GTPBP1: variants seen among roughly 807,000 people sequenced by gnomAD.
GTPBP1 encodes GTP binding protein 1.
In GTPBP1, 23 loss-of-function variants were observed where a neutral mutation model predicts 62.0. That is an observed-to-expected ratio of 0.37 (90% CI 0.27 to 0.53). The LOEUF (loss-of-function observed/expected upper bound fraction) is 0.53, where lower values mean the gene tolerates loss of function less well. Among genes scored for constraint, GTPBP1 ranks in the 20% least tolerant of loss-of-function variants. The probability of loss-of-function intolerance (pLI) is 0.89; values close to 1 mark genes in which losing one functional copy is unlikely to be tolerated. For synonymous variants in GTPBP1, 344 were observed against 364.4 expected (o/e 0.94, Z 0.64); for missense variants, 640 against 917.3 (o/e 0.70, Z 3.90).
Position 38,706,033 on chromosome 22 carries a change from G to C in GTPBP1, c.78G>C (p.Pro26=). The C allele has an allele frequency of 7.2e-7, 1 of 1,394,122 alleles. No individual in the cohort carries two copies. The highest frequency in any genetic ancestry group is 3.2e-5 in the Admixed American group (1 of 31,390). The allele number at this position is 1,394,122 out of a possible 1,614,324, so 86.4% of individuals were successfully genotyped here. ...TGTTCGCCCCCGAGCCCAGCTCCCCGGGGGCGGCCAGGGCCGCGGCGGCCG... is the reference window on the plus strand; with the variant it reads ...TGTTCGCCCCCGAGCCCAGCTCCCCCGGGGCGGCCAGGGCCGCGGCGGCCG... ...ASMFAPEPSS[P]GAARAAAAAA... is the part of the protein sequence containing the mutation. The change falls in exon 1 of 12, where the codon CCG becomes CCC. Residue 26 remains proline (P), a synonymous_variant. Transcript: ENST00000216044.
chr22:38,723,238 G>C, intron 5 of GTPBP1: 1 of 1,048,066 alleles, frequency 9.5e-7, no homozygotes, highest in South Asian at 1.3e-5. Flanking sequence ...TCCCCTTAAA[G>C]TCATCAAGGC....
At chr22:38,706,217 G>A in intron 1 of GTPBP1, 70 bp downstream of exon 1, 1 of 1,005,966 alleles carries the variant, frequency 9.9e-7, no homozygotes, top group Non-Finnish European at 1.3e-6. Context: ...CCGGGCGACG[G>A]CGGGGCCAGC....
At chr22:38,741,349 G>T, downstream of GTPBP1, 2 of 849,494 alleles carry the variant, frequency 2.4e-6, no homozygotes, top group Non-Finnish European at 3.7e-6. Flanking sequence ...GGGGTCGGGG[G>T]TCAAACAGAG....
chr22:38,716,524 G>A lies in GTPBP1; in HGVS notation c.486-128G>A. The A allele has an allele frequency of 1.5e-6, 1 of 678,282 alleles. No homozygotes were observed. Among genetic ancestry groups the A allele is most frequent in the South Asian group, 1.8e-5 (1 of 55,224 alleles). 42.0% of individuals were successfully genotyped at this position (678,282 alleles called of 1,614,324 possible). A position where few individuals can be genotyped will look rare whatever the true frequency, so the allele number is the denominator to read the frequency against. On this transcript the variant is annotated intron_variant, in intron 3 of 11. Transcript: ENST00000216044. The surrounding 1 kb of genome is among the most constrained non-coding windows in gnomAD (Gnocchi z 5.2). ...CCACTGTGCTCCTCCGGCTCAAGGA[G>A]GAGCTGTGAGCCGGAGGGGATCGGG...
chr22:38,708,261 G>C (rs1220152930), intron 1 of GTPBP1, among the ~76,000 whole-genome samples: 1 of 152,238 alleles, frequency 6.6e-6, no homozygotes, highest in East Asian at 1.9e-4. Context: ...GTTATTGGCA[G>C]ACATTTGCAA....
chr22:38,726,446 T>C lies in GTPBP1; in HGVS notation c.1401+6T>C, dbSNP rs1318969501. Reference sequence around the variant, plus strand: ...CATCCTTTGCGCTGAAGAAGGTGAGTAGCGATGATACTGAACGCTCCCCTC... The same window carrying C: ...CATCCTTTGCGCTGAAGAAGGTGAGCAGCGATGATACTGAACGCTCCCCTC... On this transcript the variant is annotated splice_donor_region_variant and intron_variant, in intron 8 of 11. Transcript: ENST00000216044. This position sits in a 1 kb window ranked among gnomAD's most constrained non-coding sequence, Gnocchi z 4.1. 6.2e-7 allele frequency: 1 copy of C among 1,610,124 alleles called. No homozygotes were observed. The highest frequency in any genetic ancestry group is 1.3e-5 in the African/African-American group (1 of 74,624).
Position 38,730,563 on chromosome 22 carries a change from C to G in GTPBP1, c.1918-49C>G. 8.0e-7 allele frequency: 1 copy of G among 1,252,692 alleles called. No individual in the cohort carries two copies. Among genetic ancestry groups the G allele is most frequent in the East Asian group, 2.3e-5 (1 of 43,252 alleles). 77.6% of individuals were successfully genotyped at this position (1,252,692 alleles called of 1,614,324 possible). A position where few individuals can be genotyped will look rare whatever the true frequency, so the allele number is the denominator to read the frequency against. ...CTGCTCAGCACCTCTGCTCTCTGGC[C>G]CTGCTCCTGATGGGCCAGTGCTTCT... On this transcript the variant is annotated intron_variant, in intron 11 of 11. Coordinates refer to ENST00000216044, the MANE Select transcript of GTPBP1 (RefSeq NM_004286.5). This position sits in a 1 kb window ranked among gnomAD's most constrained non-coding sequence, Gnocchi z 5.6.
chr22:38,717,075 T>A, intron 4 of GTPBP1, 75 bp downstream of exon 4: 1 of 920,332 alleles, frequency 1.1e-6, no homozygotes, highest in Non-Finnish European at 1.7e-6. Context: ...AGTCTGAAAC[T>A]GTTCTGAGAC....
downstream of GTPBP1, chr22:38,740,890 A>G (rs1409270618): frequency 6.8e-6 from 8 of 1,172,700 alleles, no homozygotes; most frequent in Non-Finnish European, 9.8e-6. This position sits in a 1 kb window ranked among gnomAD's most constrained non-coding sequence, Gnocchi z 4.8. Context: ...TCCCCCTACC[A>G]TCTGCTTGGC....
intron 1 of GTPBP1, chr22:38,706,837 T>G (rs2092608002): frequency 6.6e-6 from 1 of 152,178 alleles, no homozygotes. Flanking sequence ...TAAAACCGTG[T>G]TTTTTGAGCT....
intron 2 of GTPBP1, 80 bp from the exon 3 acceptor site, chr22:38,715,827 G>C: frequency 8.3e-7 from 1 of 1,207,098 alleles, no homozygotes; most frequent in East Asian, 2.4e-5. Context: ...CCTTTGTTAG[G>C]TGGGGTTCCT....
chr22:38,724,220 T>C (rs552717664), intron 5 of GTPBP1, 77 bp from the exon 6 acceptor site: 3 of 809,370 alleles, frequency 3.7e-6, no homozygotes, highest in Admixed American at 1.8e-5. Flanking sequence ...CAGTAATGAG[T>C]GGACCCATCT....
chr22:38,736,091 C>T (rs2092802134), downstream of GTPBP1: 2 of 689,508 alleles, frequency 2.9e-6, no homozygotes, highest in Middle Eastern at 2.4e-4. Context: ...AGCCTGCTAA[C>T]CGCCTCGAGC....
intron 5 of GTPBP1, among the ~76,000 whole-genome samples, chr22:38,722,112 C>T (rs2092703522): frequency 6.6e-6 from 1 of 152,148 alleles, no homozygotes; most frequent in African/African-American, 2.4e-5. Flanking sequence ...ATCCGTTACA[C>T]TGGTCAGTAT....
Position 38,727,223 on chromosome 22 carries a change from C to G in GTPBP1, c.1412C>G (p.Ser471Trp). ...CCCTCTTTCTTTCAGATCAAGCGCT[C>G]GTCCATCCGGAAGGGCATGGTGATG... The part of the protein sequence containing the change: ...ASFALKKIKR[S>W]SIRKGMVMVS... The change falls in exon 9 of 12, where the codon TCG becomes TGG. Residue 471 changes from serine (S) to tryptophan (W), a missense_variant. By Grantham distance (177) the Ser-to-Trp change is radical. Coordinates refer to ENST00000216044, the MANE Select transcript of GTPBP1 (RefSeq NM_004286.5). This position sits in a 1 kb window ranked among gnomAD's most constrained non-coding sequence, Gnocchi z 6.5. The G allele has an allele frequency of 6.3e-7, 1 of 1,583,702 alleles. No homozygotes were observed. Among genetic ancestry groups the G allele is most frequent in the Non-Finnish European group, 8.6e-7 (1 of 1,165,656 alleles).
chr22:38,715,206 T>C (rs1464018451), intron 2 of GTPBP1, among the ~76,000 whole-genome samples: 1 of 152,148 alleles, frequency 6.6e-6, no homozygotes. Context: ...CCCACAGCCA[T>C]CTGATCATGT....
rs868200945 is a variant in GTPBP1 at position 38,705,946 on chromosome 22, G to A, written c.-10G>A. The A allele has an allele frequency of 2.8e-6, 4 of 1,416,500 alleles. No individual in the cohort carries two copies. The highest frequency in any genetic ancestry group is 1.9e-4 in the Middle Eastern group (1 of 5,360). 87.7% of individuals were successfully genotyped at this position (1,416,500 alleles called of 1,614,324 possible). ...GGAAGCCGGCTACGAATTAGCCTAA[G>A]TTATTAAAGATGGCGACGGAGCGCA... On this transcript the variant is annotated 5_prime_UTR_variant, in exon 1 of 12. Transcript: ENST00000216044.
At chr22:38,710,573 G>T (rs543931649) in intron 2 of GTPBP1, among the ~76,000 whole-genome samples, 2 of 152,050 alleles carry the variant, frequency 1.3e-5, no homozygotes, top group Non-Finnish European at 2.9e-5. Flanking sequence ...GGAGAGAGTT[G>T]ATTAGCATTA....
chr22:38,734,195 G>A, downstream of GTPBP1: 1 of 385,596 alleles, frequency 2.6e-6, no homozygotes, highest in South Asian at 1.9e-5. Context: ...GTCAGTATGA[G>A]AGGCTCCAGG....
Sources: gnomAD v4.1 joint callset for allele counts (sites outside exome capture counted in the v4.1 genomes callset) on GRCh38, gnomAD v4.1.1 for gene constraint, Gnocchi (gnomAD v3.1) non-coding constraint, MANE v1.5 for transcripts, NCBI Gene and HGNC (gene_info 2026-07-23, HGNC 2026-07-21) for gene names.